The following SPECC1 variants were observed in gnomAD, a reference collection of about 807,000 sequenced individuals.
The protein encoded by SPECC1 is sperm antigen with calponin homology and coiled-coil domains 1.
In SPECC1, 62 loss-of-function variants were observed where a neutral mutation model predicts 104.1. That is an observed-to-expected ratio of 0.60 (90% confidence interval 0.49 to 0.74). SPECC1 has a LOEUF of 0.74. Among genes scored for constraint, SPECC1 ranks in the 30% least tolerant of loss-of-function variants. The pLI is 0.00. For missense variants in SPECC1, 1,306 were observed against 1,310.5 expected (o/e 1.00, Z 0.05); for synonymous variants, 513 against 501.6 (o/e 1.02, Z -0.30).
At chr17:20,032,389 AGT>A (rs780454672) in intron 1 of SPECC1, among the ~76,000 whole-genome samples, 10,525 of 152,178 alleles carry the variant, frequency 0.069, 990 homozygotes, top group African/African-American at 0.21. Flanking sequence ...CGGTACTCTC[AGT>A]ATGCATATGT....
At chr17:20,024,155 AT>A (rs2044508789) in intron 1 of SPECC1, among the ~76,000 whole-genome samples, 1 of 152,242 alleles carries the variant, frequency 6.6e-6, no homozygotes, top group African/African-American at 2.4e-5. Context: ...GGGTAGCTAT[AT>A]AATCGTCTTG....
chr17:20,076,203 C>G (rs1395828693), intron 1 of SPECC1, among the ~76,000 whole-genome samples: 1 of 152,126 alleles, frequency 6.6e-6, no homozygotes, highest in Non-Finnish European at 1.5e-5. Context: ...ACAATTATTA[C>G]TATATTATTC....
intron 3 of SPECC1, among the ~76,000 whole-genome samples, chr17:20,156,807 C>G (rs986927726): frequency 6.6e-6 from 1 of 152,174 alleles, no homozygotes; most frequent in African/African-American, 2.4e-5. Context: ...AGTTTTCGTC[C>G]TCTGGTAGCT....
At chr17:20,111,488 AAC>A (rs1438148342) in intron 3 of SPECC1, among the ~76,000 whole-genome samples, 1 of 152,218 alleles carries the variant, frequency 6.6e-6, no homozygotes, top group African/African-American at 2.4e-5. Context: ...TATTGTATTA[AAC>A]ATACACACAC....
At chr17:20,236,865 T>C in intron 7 of SPECC1, 1 of 1,613,900 alleles carries the variant, frequency 6.2e-7, no homozygotes. Flanking sequence ...CACAGCTCCC[T>C]GGGCTCTGTC....
chr17:20,298,948 A>AGAGTGTGTGTGTGTGTGT lies in SPECC1; in HGVS notation c.3057+1872_3057+1873insAGTGTGTGTGTGTGTGTG. Among the ~76,000 whole-genome samples the AGAGTGTGTGTGTGTGTGT allele has an allele frequency of 3.6e-3, 179 of 49,060 alleles. 2 individuals carry two copies. Among genetic ancestry groups the AGAGTGTGTGTGTGTGTGT allele is most frequent in the African/African-American group, 0.015 (164 of 10,780 alleles). 32.2% of individuals were successfully genotyped at this position (49,060 alleles called of 152,430 possible). A position where few individuals can be genotyped will look rare whatever the true frequency, so the allele number is the denominator to read the frequency against. The stretch of plus-strand genomic sequence containing the variant: ...GAGAGAGAGAGAGAGAGAGAGAGAG[A>AGAGTGTGTGTGTGTGTGT]GTGTGTGTGTGTGTGTGTGTGTGTA... On this transcript the variant is annotated intron_variant, in intron 13 of 14. Coordinates refer to ENST00000395527, the MANE Select transcript of SPECC1 (RefSeq NM_001243439.2).
chr17:20,066,346 G>A (rs1239241024), intron 1 of SPECC1, among the ~76,000 whole-genome samples: 1 of 152,180 alleles, frequency 6.6e-6, no homozygotes, highest in Non-Finnish European at 1.5e-5. Context: ...AGCAAACAGA[G>A]CATTTTTAAG....
At position 20,205,550 on chromosome 17, in the gene SPECC1, G is replaced by C. The variant is rs976069060; in HGVS notation, c.1501G>C (p.Glu501Gln). The change falls in exon 4 of 15, where the codon GAA becomes CAA. Residue 501 changes from glutamate to glutamine, a missense_variant. This residue lies in a region of SPECC1 where 1,177 missense variants were observed against 1,139.9 expected (regional missense o/e 1.03). Transcript: ENST00000395527. Reference protein sequence around the residue: ...LTCSLRKVEEENQGALEMIKR... With the variant: ...LTCSLRKVEEQNQGALEMIKR... ...CTGTAGCTTGCGGAAGGTTGAGGAA[G>C]AAAACCAAGGAGCTTTAGAAATGAT... 1 of 1,614,068 alleles carries C rather than the reference G, an allele frequency of 6.2e-7. No homozygotes were observed. The highest frequency in any genetic ancestry group is 1.1e-5 in the South Asian group (1 of 91,060).
chr17:20,064,201 A>T (rs754338937), intron 1 of SPECC1, among the ~76,000 whole-genome samples: 22 of 152,146 alleles, frequency 1.4e-4, no homozygotes, highest in Non-Finnish European at 1.0e-4. Context: ...AGGGAGTGTG[A>T]TGCTGGGACA....
intron 2 of SPECC1, among the ~76,000 whole-genome samples, chr17:20,107,391 T>C (rs1250887491): frequency 6.7e-6 from 1 of 150,232 alleles, no homozygotes; most frequent in East Asian, 2.0e-4. Flanking sequence ...GGAGGATTGC[T>C]TGAGGCCAGG....
At chr17:20,291,386 G>A (rs901216360) in intron 12 of SPECC1, among the ~76,000 whole-genome samples, 1 of 152,222 alleles carries the variant, frequency 6.6e-6, no homozygotes, top group Non-Finnish European at 1.5e-5. Flanking sequence ...TGGAGCTGGC[G>A]TTCTGGCCCT....
chr17:20,028,711 T>C (rs1230035825), intron 1 of SPECC1, among the ~76,000 whole-genome samples: 3 of 152,090 alleles, frequency 2.0e-5, no homozygotes, highest in Non-Finnish European at 4.4e-5. Flanking sequence ...TGCAATTCCA[T>C]GTGAATTTTA....
intron 12 of SPECC1, among the ~76,000 whole-genome samples, chr17:20,289,328 G>C (rs1296109020): frequency 6.6e-6 from 1 of 152,112 alleles, no homozygotes; most frequent in East Asian, 1.9e-4. Context: ...ATCAGATGGA[G>C]TCTTGCTCTG....
Position 20,227,639 on chromosome 17 carries a change from G to C in SPECC1, c.2071+19G>C. 6.2e-7 allele frequency: 1 copy of C among 1,608,418 alleles called. No individual in the cohort carries two copies. Among genetic ancestry groups the C allele is most frequent in the Non-Finnish European group, 8.5e-7 (1 of 1,177,590 alleles). ...CTAGAAAGTAAGTGGGGTCTGCCAG[G>C]CATGGTGGCTCACACCTATAATCCC... On this transcript the variant is annotated intron_variant, in intron 5 of 14. Transcript: ENST00000395527.
chr17:20,184,483 T>A (rs866402266), intron 3 of SPECC1, among the ~76,000 whole-genome samples: 32 of 152,296 alleles, frequency 2.1e-4, no homozygotes, highest in Middle Eastern at 3.4e-3. Context: ...AAACAGCATG[T>A]ATTGTTTTTA....
chr17:20,272,468 T>C (rs894938697), intron 12 of SPECC1, among the ~76,000 whole-genome samples: 1 of 152,230 alleles, frequency 6.6e-6, no homozygotes, highest in Non-Finnish European at 1.5e-5. Flanking sequence ...CATTATTGTG[T>C]AACCAATCTC....
intron 2 of SPECC1, among the ~76,000 whole-genome samples, chr17:20,098,556 C>T (rs1349816575): frequency 2.0e-5 from 3 of 152,220 alleles, no homozygotes; most frequent in African/African-American, 4.8e-5. Context: ...CTGTCCCCTG[C>T]CTCTCAGGTG....
chr17:20,143,644 T>G (rs1215170069), intron 3 of SPECC1, among the ~76,000 whole-genome samples: 1 of 151,592 alleles, frequency 6.6e-6, no homozygotes, highest in Admixed American at 6.6e-5. Context: ...CTCCAGCCTG[T>G]GCAACAGAGG....
At chr17:20,062,253 CAAAA>C (rs549906384) in intron 1 of SPECC1, among the ~76,000 whole-genome samples, 4 of 76,040 alleles carry the variant, frequency 5.3e-5, no homozygotes, top group Admixed American at 1.5e-4. Context: ...ACTCTGTCGT[CAAAA>C]AAAAAAAAAA....
Sources: gnomAD v4.1 joint callset for allele counts (sites outside exome capture counted in the v4.1 genomes callset) on GRCh38, gnomAD v4.1.1 for gene constraint, gnomAD v4.1.1 regional missense constraint, MANE v1.5 for transcripts, NCBI Gene and HGNC (gene_info 2026-07-23, HGNC 2026-07-21) for gene names.